Variants in CPSF2 observed in about 807,000 individuals in gnomAD.
The protein encoded by CPSF2 is cleavage and polyadenylation specificity factor subunit 2.
CPSF2 carries 51 observed loss-of-function variants against 84.2 expected under a neutral mutation model. The ratio of observed to expected loss-of-function variants is 0.61; its 90% CI spans 0.48 to 0.77. The LOEUF is 0.77. CPSF2 is among the 30% of genes least tolerant of loss of function. CPSF2 has a pLI of 0.00. For missense variants in CPSF2, 641 were observed against 929.4 expected (o/e 0.69, Z 4.03); for synonymous variants, 286 against 311.9 (o/e 0.92, Z 0.87).
rs557268674 is a variant in CPSF2, at chr14:92,138,367, CTTA to C, written c.661+35_661+37del. The C allele has an allele frequency of 8.8e-4, 1,011 of 1,154,882 alleles. 1 individual carries two copies. Among genetic ancestry groups the C allele is most frequent in the African/African-American group, 3.4e-3 (208 of 61,840 alleles). The allele number at this position is 1,154,882 out of a possible 1,614,324, so 71.5% of individuals were successfully genotyped here. A position where few individuals can be genotyped will look rare whatever the true frequency, so the allele number is the denominator to read the frequency against. On this transcript the variant is annotated intron_variant, in intron 7 of 15. Transcript: ENST00000298875. ...TTCTGAGTACGTATTCTTTCACGTC[CTTA>C]TTATTATTATTATTTTGTAACTTTT...
intron 2 of CPSF2, among the ~76,000 whole-genome samples, chr14:92,127,555 T>C (rs2068858487): frequency 6.6e-6 from 1 of 152,158 alleles, no homozygotes; most frequent in Non-Finnish European, 1.5e-5. Context: ...TGAGAACTTT[T>C]GCTGTGAAAG....
chr14:92,131,135 T>G lies in CPSF2; in HGVS notation c.149+2T>G. 6.3e-7 allele frequency: 1 copy of G among 1,594,472 alleles called. No individual in the cohort carries two copies. The highest frequency in any genetic ancestry group is 8.5e-7 in the Non-Finnish European group (1 of 1,170,774). ...GGATATTATTGATTCCCTGAGGAAG[T>G]AAGTTACATTTCATAATTCTATGTT... is the stretch of plus-strand genomic sequence containing the variant. On this transcript the variant is annotated splice_donor_variant, in intron 3 of 15. Transcript: ENST00000298875. LOFTEE classifies it high-confidence loss of function.
In CPSF2 at chr14:92,122,037, G is replaced by C. The variant is rs963152054; in HGVS notation, c.-185G>C. 1.7e-6 allele frequency: 1 copy of C among 584,710 alleles called. No homozygotes were observed. The highest frequency in any genetic ancestry group is 3.0e-6 in the Non-Finnish European group (1 of 330,566). The allele number at this position is 584,710 out of a possible 1,614,324, so 36.2% of individuals were successfully genotyped here. On this transcript the variant is annotated 5_prime_UTR_variant, in exon 1 of 16. Transcript: ENST00000298875. ...CTGCCGGCCGGTAGTCCCTGGCGCTGCTGACCCAGCATCGGCTTTTCTACG... is the reference window on the plus strand; with the variant it reads ...CTGCCGGCCGGTAGTCCCTGGCGCTCCTGACCCAGCATCGGCTTTTCTACG...
At chr14:92,137,229 T>A (rs2069012389) in intron 6 of CPSF2, among the ~76,000 whole-genome samples, 1 of 152,176 alleles carries the variant, frequency 6.6e-6, no homozygotes, top group South Asian at 2.1e-4. Context: ...TTTTATGTAT[T>A]TTTTTGAAAC....
intron 9 of CPSF2, among the ~76,000 whole-genome samples, chr14:92,151,424 G>A (rs1595063118): frequency 6.8e-6 from 1 of 145,996 alleles, no homozygotes; most frequent in East Asian, 2.2e-4. Flanking sequence ...AAAAACAAGA[G>A]TGTAAGATAC....
rs1042811923 is a variant in CPSF2, at chr14:92,170,244, A to C, written c.*8500A>C. 1 of 152,222 alleles carries C rather than the reference A, an allele frequency of 6.6e-6. No individual in the cohort carries two copies. Among genetic ancestry groups the C allele is most frequent in the African/African-American group, 2.4e-5 (1 of 41,452 alleles). 9.4% of individuals were successfully genotyped at this position (152,222 alleles called of 1,614,324 possible). On this transcript the variant is annotated 3_prime_UTR_variant, in exon 16 of 16. Coordinates refer to ENST00000298875, the MANE Select transcript of CPSF2 (RefSeq NM_017437.3). ...ACTTACAGAAAAGTAGAATAGTTCA[A>C]AAGATCCTGTATATCCTTCCCCTAG...
In CPSF2 at chr14:92,165,949, C is replaced by T. The variant is rs934831754; in HGVS notation, c.*4205C>T. On this transcript the variant is annotated 3_prime_UTR_variant, in exon 16 of 16. Coordinates refer to ENST00000298875, the MANE Select transcript of CPSF2 (RefSeq NM_017437.3). ...CGGTCTCAGCTCACTGCAACCTCTG[C>T]CTCCCAGATTAAAGGGATTCTCCTG... 3 of 144,748 alleles carry T rather than the reference C, an allele frequency of 2.1e-5. No individual in the cohort carries two copies. Among genetic ancestry groups the T allele is most frequent in the Non-Finnish European group, 4.5e-5 (3 of 67,168 alleles). 9.0% of individuals were successfully genotyped at this position (144,748 alleles called of 1,614,324 possible). A position where few individuals can be genotyped will look rare whatever the true frequency, so the allele number is the denominator to read the frequency against.
intron 3 of CPSF2, among the ~76,000 whole-genome samples, chr14:92,133,018 C>T (rs929735168): frequency 6.7e-6 from 1 of 150,276 alleles, no homozygotes; most frequent in African/African-American, 2.5e-5. Context: ...TTGAACCGGG[C>T]GGTGGAGGTC....
chr14:92,123,693 C>T (rs1261798449), intron 1 of CPSF2, among the ~76,000 whole-genome samples: 1 of 152,176 alleles, frequency 6.6e-6, no homozygotes, highest in Non-Finnish European at 1.5e-5. Context: ...GCCACTGCGC[C>T]CGGCAACATG....
rs139827668 is a variant in CPSF2 at position 92,145,543 on chromosome 14, T to A, written c.1140+2249T>A. Among the ~76,000 whole-genome samples the A allele has an allele frequency of 1.9e-4, 29 of 152,338 alleles. No individual in the cohort carries two copies. In the East Asian group the frequency reaches 5.6e-3, roughly 29 times the overall value. On this transcript the variant is annotated intron_variant, in intron 9 of 15. Transcript: ENST00000298875. Reference sequence around the variant, plus strand: ...AGATATATGTACTATAATTATAGAATTGTTGAGCAAGGATTCTGAGCAAGT... The same window carrying A: ...AGATATATGTACTATAATTATAGAAATGTTGAGCAAGGATTCTGAGCAAGT...
chr14:92,135,998 C>G (rs2068994079), intron 6 of CPSF2, among the ~76,000 whole-genome samples: 1 of 152,142 alleles, frequency 6.6e-6, no homozygotes, highest in Non-Finnish European at 1.5e-5. Context: ...TTCACGAGAT[C>G]TGATAGTTTT....
chr14:92,131,238 T>C, intron 3 of CPSF2, 105 bp downstream of exon 3: 1 of 848,198 alleles, frequency 1.2e-6, no homozygotes, highest in Non-Finnish European at 1.7e-6. Flanking sequence ...CACTAGTTTA[T>C]AGCAAAAGGC....
intron 11 of CPSF2, 34 bp downstream of exon 11, chr14:92,155,357 A>G (rs190250231): frequency 1.3e-6 from 2 of 1,500,618 alleles, no homozygotes; most frequent in African/African-American, 1.4e-5. Context: ...CTCTCTTACA[A>G]ATTGGAGGTA....
chr14:92,135,339 T>A, intron 5 of CPSF2, 28 bp from the exon 6 acceptor site: 2 of 1,570,254 alleles, frequency 1.3e-6, no homozygotes, highest in Non-Finnish European at 1.7e-6. Context: ...GTAAAAGAAA[T>A]CTGAGTATTG....
Position 92,134,095 on chromosome 14 carries a change from G to T in CPSF2, c.234G>T (p.Leu78Phe). The change falls in exon 4 of 16, where the codon TTG becomes TTT. Residue 78 changes from leucine to phenylalanine, a missense_variant. Transcript: ENST00000298875. ...CCCTCCCGTATGCTGTCGGAAAGTT[G>T]GGTCTGAACTGTGCTATCTATGCAA... is the stretch of plus-strand genomic sequence containing the variant. ...LGALPYAVGKLGLNCAIYATI... is the reference protein window; with the variant it reads ...LGALPYAVGKFGLNCAIYATI... 6.2e-7 allele frequency: 1 copy of T among 1,614,124 alleles called. No homozygotes were observed. The highest frequency in any genetic ancestry group is 8.5e-7 in the Non-Finnish European group (1 of 1,179,986).
In CPSF2 at chr14:92,157,670, C is replaced by G. The variant is rs2069308331; in HGVS notation, c.1607C>G (p.Thr536Ser). 2.5e-6 allele frequency: 4 copies of G among 1,612,868 alleles called. No homozygotes were observed. Among genetic ancestry groups the G allele is most frequent in the Non-Finnish European group, 3.4e-6 (4 of 1,179,190 alleles). Residue 536 changes from threonine (T) to serine (S), a missense_variant, in exon 13 of 16, where the codon ACC becomes AGC. Physicochemically the swap from Thr to Ser is moderately conservative, Grantham distance 58. Coordinates refer to ENST00000298875, the MANE Select transcript of CPSF2 (RefSeq NM_017437.3). This position sits in a 1 kb window ranked among gnomAD's most constrained non-coding sequence, Gnocchi z 4.0. ...TESIEIKARV[T>S]YIDYEGRSDG... ...ATATCTAATTACAGAGCCCGGGTTACCTACATAGACTATGAAGGACGCTCT... is the reference window on the plus strand; with the variant it reads ...ATATCTAATTACAGAGCCCGGGTTAGCTACATAGACTATGAAGGACGCTCT...
intron 2 of CPSF2, among the ~76,000 whole-genome samples, chr14:92,130,534 A>C (rs2068907761): frequency 6.6e-6 from 1 of 152,228 alleles, no homozygotes; most frequent in Admixed American, 6.5e-5. Context: ...TAGGTAATTT[A>C]TACATTATTT....
chr14:92,154,209 A>G, intron 9 of CPSF2, 149 bp from the exon 10 acceptor site: 1 of 559,206 alleles, frequency 1.8e-6, no homozygotes, highest in Non-Finnish European at 3.2e-6. Context: ...CTATAATTGT[A>G]TGTAATGGAA....
intron 2 of CPSF2, among the ~76,000 whole-genome samples, chr14:92,130,314 A>G (rs2068900539): frequency 6.6e-6 from 1 of 152,060 alleles, no homozygotes; most frequent in African/African-American, 2.4e-5. Flanking sequence ...GAGGGTCCAT[A>G]GGTTTTTATC....
Sources: gnomAD v4.1 joint callset for allele counts (sites outside exome capture counted in the v4.1 genomes callset) on GRCh38, gnomAD v4.1.1 for gene constraint, Gnocchi (gnomAD v3.1) non-coding constraint, MANE v1.5 for transcripts, NCBI Gene and HGNC (gene_info 2026-07-23, HGNC 2026-07-21) for gene names.